Variants in APOB observed in about 807,000 individuals in gnomAD.
APOB encodes apolipoprotein B, also known as apolipoprotein B-100.
APOB carries 153 observed loss-of-function variants against 314.1 expected under a neutral mutation model. That is an observed-to-expected ratio of 0.49 (90% CI 0.43 to 0.56). The LOEUF is 0.56. Ranked by LOEUF, APOB falls within the 20% of genes least tolerant of loss-of-function variation. The pLI, the probability that APOB is intolerant of heterozygous loss-of-function variation, is 0.00. For missense variants in APOB, 5,430 were observed against 5,350.7 expected (o/e 1.01, Z -0.46); for synonymous variants, 2,087 against 2,036.4 (o/e 1.02, Z -0.67).
rs550812013 is a variant in APOB at position 21,025,002 on chromosome 2, G to A, written c.2367C>T (p.Leu789=). The A allele has an allele frequency of 6.2e-7, 1 of 1,614,250 alleles. No homozygotes were observed. Among genetic ancestry groups the A allele is most frequent in the South Asian group, 1.1e-5 (1 of 91,086 alleles). Residue 789 remains leucine, a synonymous_variant, in exon 16 of 29, where the codon CTC becomes CTT. Transcript: ENST00000233242. ...GCTTTCCCAGGAGCTGGAGGTCATG[G>A]AGACTGGCAAAACCAAGCTCCTCTC... ...ILGEELGFAS[L]HDLQLLGKLL... is the part of the protein sequence containing the mutation.
chr2:21,035,478 A>G, intron 7 of APOB, 106 bp downstream of exon 7: 1 of 1,466,494 alleles, frequency 6.8e-7, no homozygotes, highest in Non-Finnish European at 9.5e-7. Flanking sequence ...ATCCCTCTCC[A>G]TTCCTCCCTC....
intron 6 of APOB, among the ~76,000 whole-genome samples, 170 bp from the exon 7 acceptor site, chr2:21,035,878 C>A (rs887011738): frequency 2.6e-5 from 4 of 152,180 alleles, no homozygotes; most frequent in East Asian, 1.9e-4. Flanking sequence ...AAGTCGGCAT[C>A]CCCAAAGCTG....
intron 19 of APOB, 84 bp from the exon 20 acceptor site, chr2:21,019,197 A>C: frequency 6.5e-7 from 1 of 1,547,774 alleles, no homozygotes; most frequent in Non-Finnish European, 8.9e-7. Context: ...TCAGCCTCAA[A>C]TGCAACAAAA....
intron 28 of APOB, among the ~76,000 whole-genome samples, chr2:21,003,828 T>C (rs1450589383): frequency 1.3e-5 from 2 of 152,218 alleles, no homozygotes; most frequent in Admixed American, 6.5e-5. Context: ...CCTCTGGTAA[T>C]GTCACCCTTG....
Position 21,011,379 on chromosome 2 carries a change from G to T in APOB, c.5489C>A (p.Ala1830Asp). The T allele has an allele frequency of 1.9e-6, 3 of 1,614,062 alleles. No homozygotes were observed. Among genetic ancestry groups the T allele is most frequent in the African/African-American group, 1.3e-5 (1 of 75,018 alleles). ...GTGTTTTATTTCATTATTTTGGTAG[G>T]CTCCTTTTAGGTTACCAGCCACATG... ...KLHVAGNLKG[A>D]YQNNEIKHIY... The change falls in exon 26 of 29, where the codon GCC becomes GAC. Residue 1830 changes from alanine to aspartate, a missense_variant. By Grantham distance (126) the Ala-to-Asp change is moderately radical. Around this residue, in one of 3 missense-constraint regions of APOB, gnomAD observed 64 missense variants for 99.9 expected, o/e 0.64. Transcript: ENST00000233242.
Position 21,012,426 on chromosome 2 carries a change from A to G in APOB, c.4442T>C (p.Val1481Ala). ...CTGCCCATCAATCTTGACTTCTTTG[A>G]CAAACAAATGCTGTTTCTTTTTGGA... is the stretch of plus-strand genomic sequence containing the variant. The part of the protein sequence containing the change: ...LDSKKKQHLF[V>A]KEVKIDGQFR... The change falls in exon 26 of 29, where the codon GTC becomes GCC. Residue 1481 changes from valine to alanine, a missense_variant. This residue lies in a region of APOB where 2,085 missense variants were observed against 2,079.7 expected (regional missense o/e 1.00). Transcript: ENST00000233242. The G allele has an allele frequency of 5.6e-6, 9 of 1,614,210 alleles. No homozygotes were observed. Among genetic ancestry groups the G allele is most frequent in the Non-Finnish European group, 7.6e-6 (9 of 1,180,026 alleles).
Position 21,007,728 on chromosome 2 carries a change from G to C in APOB, c.9140C>G (p.Thr3047Arg), listed in dbSNP as rs61742323. ...LFFSAQPFEI[T>R]ASTNNEGNLK... ...ATTCCCTTCATTGTTTGTGGATGCC[G>C]TGATCTCAAATGGCTGGGCTGAAAA... Residue 3047 changes from threonine (T) to arginine (R), a missense_variant, in exon 26 of 29, where the codon ACG becomes AGG. Coordinates refer to ENST00000233242, the MANE Select transcript of APOB (RefSeq NM_000384.3). 4.5e-4 allele frequency: 734 copies of C among 1,614,078 alleles called. 4 individuals are homozygous for C. The African/African-American group carries it at 8.4e-3, about 19-fold the overall frequency.
At chr2:21,023,075 T>C in intron 17 of APOB, 33 bp from the exon 18 acceptor site, 1 of 1,586,028 alleles carries the variant, frequency 6.3e-7, no homozygotes, top group African/African-American at 1.3e-5. Context: ...TTCAGATTCA[T>C]TAAATACTTC....
Position 21,010,991 on chromosome 2 carries a change from G to C in APOB, c.5877C>G (p.Ser1959Arg). Residue 1959 changes from serine (S) to arginine (R), a missense_variant, in exon 26 of 29, where the codon AGC becomes AGG. Ser to Arg is a moderately radical substitution (Grantham distance 110). This residue lies in a region of APOB where 3,281 missense variants were observed against 3,171.0 expected (regional missense o/e 1.03). Coordinates refer to ENST00000233242, the MANE Select transcript of APOB (RefSeq NM_000384.3). ...CTTTGTGTTCAAGAGCTGCACTGAT[G>C]CTTTTCCTAGACACGAGATGATGAC... The part of the protein sequence containing the change: ...STSHHLVSRK[S>R]ISAALEHKVS... 1.9e-6 allele frequency: 3 copies of C among 1,614,204 alleles called. No homozygotes were observed. Among genetic ancestry groups the C allele is most frequent in the Non-Finnish European group, 2.5e-6 (3 of 1,180,032 alleles).
intron 3 of APOB, 40 bp from the exon 4 acceptor site, chr2:21,041,123 A>G (rs1408165641): frequency 1.2e-6 from 2 of 1,600,678 alleles, no homozygotes; most frequent in Non-Finnish European, 1.7e-6. Context: ...GTTGTCTATC[A>G]AGAATGAGAG....
chr2:21,008,148 C>T lies in APOB; in HGVS notation c.8720G>A (p.Arg2907His), dbSNP rs751437976. ...KLDFSSQADL[R>H]NEIKTLLKAG... is the part of the protein sequence containing the mutation. The stretch of plus-strand genomic sequence containing the variant: ...TTTCAACAGTGTCTTGATCTCGTTG[C>T]GCAGGTCAGCCTGACTAGAGAAGTC... The change falls in exon 26 of 29, where the codon CGC becomes CAC. Residue 2907 changes from arginine to histidine, a missense_variant. By Grantham distance (29) the Arg-to-His change is conservative. Coordinates refer to ENST00000233242, the MANE Select transcript of APOB (RefSeq NM_000384.3). The T allele has an allele frequency of 6.4e-5, 104 of 1,613,828 alleles. 1 individual carries two copies. The highest frequency in any genetic ancestry group is 3.6e-4 in the South Asian group (33 of 91,060).
At position 21,007,776 on chromosome 2, in the gene APOB, C is replaced by T. The variant is rs1250379455; in HGVS notation, c.9092G>A (p.Gly3031Glu). ...AAAGAAAAGAGAATTTTTCAAAGTT[C>T]CAATAACCTTTCCATTTAAATGAGC... Reference protein sequence around the residue: ...HDAHLNGKVIGTLKNSLFFSA... With the variant: ...HDAHLNGKVIETLKNSLFFSA... Residue 3031 changes from glycine (G) to glutamate (E), a missense_variant, in exon 26 of 29, where the codon GGA becomes GAA. Physicochemically the swap from Gly to Glu is moderately conservative, Grantham distance 98 (BLOSUM62 -2). Around this residue, in one of 3 missense-constraint regions of APOB, gnomAD observed 3,281 missense variants for 3,171.0 expected, o/e 1.03. Transcript: ENST00000233242. 6.2e-7 allele frequency: 1 copy of T among 1,614,026 alleles called. No homozygotes were observed. The highest frequency in any genetic ancestry group is 1.1e-5 in the South Asian group (1 of 91,082).
intron 13 of APOB, 79 bp from the exon 14 acceptor site, chr2:21,028,144 T>G: frequency 8.2e-7 from 1 of 1,225,244 alleles, no homozygotes; most frequent in South Asian, 1.2e-5. Context: ...TAAATATGGA[T>G]TTCCAATCAC....
Position 21,029,878 on chromosome 2 carries a change from A to G in APOB, c.1470+20T>C. The G allele has an allele frequency of 1.9e-6, 3 of 1,609,102 alleles. No individual in the cohort carries two copies. Among genetic ancestry groups the G allele is most frequent in the Middle Eastern group, 3.3e-4 (2 of 6,054 alleles). ...AAGTGCTTCTGAAATGATGTATGTCATATAAAAGACTGAGATTACCCGCAG... is the reference window on the plus strand; with the variant it reads ...AAGTGCTTCTGAAATGATGTATGTCGTATAAAAGACTGAGATTACCCGCAG... On this transcript the variant is annotated intron_variant, in intron 11 of 28. Coordinates refer to ENST00000233242, the MANE Select transcript of APOB (RefSeq NM_000384.3).
At chr2:21,033,240 TG>T (rs1663922806) in intron 9 of APOB, 58 bp downstream of exon 9, 3 of 1,415,898 alleles carry the variant, frequency 2.1e-6, no homozygotes, top group Non-Finnish European at 3.0e-6. Flanking sequence ...GGCCAAGGTT[TG>T]AAAGTTCAGT....
chr2:21,043,902 G>A lies in APOB; in HGVS notation c.44C>T (p.Pro15Leu). ...CGCCAGCAGCAGCAGCAGCAGCGCA[G>A]GCAGCGCCAGCAGCGCCAGCAGCGC... ...RPALLALLAL[P>L]ALLLLLLAGA... Residue 15 changes from proline to leucine, a missense_variant, in exon 1 of 29, where the codon CCT becomes CTT. This residue lies in a region of APOB where 2,085 missense variants were observed against 2,079.7 expected (regional missense o/e 1.00). Transcript: ENST00000233242. The A allele has an allele frequency of 7.0e-7, 1 of 1,426,598 alleles. No homozygotes were observed. Among genetic ancestry groups the A allele is most frequent in the Non-Finnish European group, 9.1e-7 (1 of 1,093,048 alleles). The allele number at this position is 1,426,598 out of a possible 1,614,324, so 88.4% of individuals were successfully genotyped here. A position where few individuals can be genotyped will look rare whatever the true frequency, so the allele number is the denominator to read the frequency against.
At position 21,011,415 on chromosome 2, in the gene APOB, G is replaced by A. The variant is rs1297042597; in HGVS notation, c.5453C>T (p.Pro1818Leu). 1 of 1,613,914 alleles carries A rather than the reference G, an allele frequency of 6.2e-7. No individual in the cohort carries two copies. Among genetic ancestry groups the A allele is most frequent in the African/African-American group, 1.3e-5 (1 of 74,890 alleles). The stretch of plus-strand genomic sequence containing the variant: ...GTTACCAGCCACATGCAGCTTCAGG[G>A]GTTCTAGCCGTAGTTTCCCATTGTT... ...LTNNGKLRLEPLKLHVAGNLK... is the reference protein window; with the variant it reads ...LTNNGKLRLELLKLHVAGNLK... Residue 1818 changes from proline to leucine, a missense_variant, in exon 26 of 29, where the codon CCC (proline) becomes CTC (leucine). Coordinates refer to ENST00000233242, the MANE Select transcript of APOB (RefSeq NM_000384.3).
chr2:21,025,212 C>T, intron 15 of APOB, 88 bp from the exon 16 acceptor site: 1 of 1,322,556 alleles, frequency 7.6e-7, no homozygotes. Flanking sequence ...CTGATGCAGC[C>T]AGGATGGGCC....
chr2:21,035,903 C>T (rs1348677921), intron 6 of APOB, among the ~76,000 whole-genome samples, 195 bp from the exon 7 acceptor site: 1 of 152,162 alleles, frequency 6.6e-6, no homozygotes, highest in Non-Finnish European at 1.5e-5. Flanking sequence ...AAGCTGTAGA[C>T]TCCTCTTTTT....
Sources: gnomAD v4.1 joint callset for allele counts (sites outside exome capture counted in the v4.1 genomes callset) on GRCh38, gnomAD v4.1.1 for gene constraint, gnomAD v4.1.1 regional missense constraint, MANE v1.5 for transcripts, NCBI Gene and HGNC (gene_info 2026-07-23, HGNC 2026-07-21) for gene names.